Variants in SLC25A13 observed in about 807,000 individuals in gnomAD.
SLC25A13 encodes electrogenic aspartate/glutamate antiporter SLC25A13, mitochondrial.
A neutral mutation model predicts 85.5 loss-of-function variants in SLC25A13; 70 were observed. The observed-to-expected ratio is 0.82, with a 90% CI of 0.68 to 1.00. The LOEUF (loss-of-function observed/expected upper bound fraction) is 1.00. Among genes scored for constraint, SLC25A13 ranks in the 50% least tolerant of loss-of-function variants. The pLI is 0.00. For missense variants in SLC25A13, 765 were observed against 819.8 expected, an observed-to-expected ratio of 0.93 and a Z score of 0.82; for synonymous variants, 259 against 288.7, an observed-to-expected ratio of 0.90 and a Z score of 1.04.
At chr7:96,307,271 AT>A (rs1444799726) in intron 1 of SLC25A13, among the ~76,000 whole-genome samples, 2 of 152,340 alleles carry the variant, frequency 1.3e-5, no homozygotes, top group Middle Eastern at 3.4e-3. Context: ...CAGAACACCT[AT>A]TTGAAGATAT....
chr7:96,169,363 A>ATT (rs1793905731), intron 13 of SLC25A13, among the ~76,000 whole-genome samples: 1 of 152,206 alleles, frequency 6.6e-6, no homozygotes, highest in Non-Finnish European at 1.5e-5. Flanking sequence ...AAAGCCTGTT[A>ATT]TTTAACCAAT....
chr7:96,257,511 T>G (rs1467662222), intron 3 of SLC25A13, among the ~76,000 whole-genome samples: 1 of 151,992 alleles, frequency 6.6e-6, no homozygotes, highest in African/African-American at 2.4e-5. Context: ...CAAGACTAAA[T>G]TAGGAAGAAG....
intron 5 of SLC25A13, among the ~76,000 whole-genome samples, chr7:96,202,829 T>A (rs542140787): frequency 6.6e-6 from 1 of 152,240 alleles, no homozygotes; most frequent in East Asian, 1.9e-4. Context: ...CCTATTTCAA[T>A]GAAACACCAC....
chr7:96,182,053 T>G (rs1439783794), intron 11 of SLC25A13, among the ~76,000 whole-genome samples: 1 of 152,358 alleles, frequency 6.6e-6, no homozygotes, highest in Non-Finnish European at 1.5e-5. Context: ...ATGAGTTACC[T>G]ACATTTTCAT....
intron 3 of SLC25A13, among the ~76,000 whole-genome samples, chr7:96,263,703 T>G (rs1797941014): frequency 6.6e-6 from 1 of 152,130 alleles, no homozygotes; most frequent in African/African-American, 2.4e-5. Flanking sequence ...CTCAATATTT[T>G]CAACATACTT....
intron 2 of SLC25A13, among the ~76,000 whole-genome samples, chr7:96,282,796 G>A (rs1798737489): frequency 6.6e-6 from 1 of 152,138 alleles, no homozygotes; most frequent in Admixed American, 6.5e-5. Context: ...TTTTCTGTAT[G>A]TCTGAAAATT....
At chr7:96,180,364 A>G (rs1456952506) in intron 11 of SLC25A13, among the ~76,000 whole-genome samples, 1 of 152,146 alleles carries the variant, frequency 6.6e-6, no homozygotes, top group Non-Finnish European at 1.5e-5. Flanking sequence ...AAATTGAGAC[A>G]GAGTTTCACT....
chr7:96,201,664 C>T (rs1192351530), intron 5 of SLC25A13, among the ~76,000 whole-genome samples: 3 of 152,120 alleles, frequency 2.0e-5, no homozygotes, highest in Non-Finnish European at 2.9e-5. Flanking sequence ...TAAAGAATTA[C>T]GGCTTCAGCC....
At chr7:96,307,215 T>C (rs1263721626) in intron 1 of SLC25A13, among the ~76,000 whole-genome samples, 1 of 152,140 alleles carries the variant, frequency 6.6e-6, no homozygotes, top group East Asian at 1.9e-4. Flanking sequence ...ATTCAACAAC[T>C]ATTTAAAAAA....
intron 2 of SLC25A13, among the ~76,000 whole-genome samples, chr7:96,287,671 C>T (rs1388920482): frequency 1.3e-5 from 2 of 152,146 alleles, no homozygotes; most frequent in Non-Finnish European, 2.9e-5. Flanking sequence ...GTGGACACAG[C>T]CTTTAAGTGG....
At chr7:96,186,612 C>T (rs1036694201) in intron 9 of SLC25A13, among the ~76,000 whole-genome samples, 9 of 152,034 alleles carry the variant, frequency 5.9e-5, no homozygotes, top group Admixed American at 5.9e-4. Flanking sequence ...GGACTATAGC[C>T]TTTAAAAATA....
At chr7:96,314,991 C>T (rs1800078447) in intron 1 of SLC25A13, among the ~76,000 whole-genome samples, 1 of 152,158 alleles carries the variant, frequency 6.6e-6, no homozygotes, top group African/African-American at 2.4e-5. Context: ...CTTTGTAATG[C>T]TTCCCTCCTC....
chr7:96,151,522 G>A (rs574063751), intron 13 of SLC25A13, among the ~76,000 whole-genome samples: 123 of 152,074 alleles, frequency 8.1e-4, no homozygotes, highest in African/African-American at 2.8e-3. Flanking sequence ...ACTTGAACTC[G>A]GGAGGCGGAG....
intron 13 of SLC25A13, among the ~76,000 whole-genome samples, chr7:96,168,040 C>T (rs1340396164): frequency 3.9e-5 from 5 of 128,412 alleles, no homozygotes; most frequent in African/African-American, 1.5e-4. Context: ...GTGGAGGCTG[C>T]AGTGAGCCAA....
chr7:96,163,285 G>A (rs1462044703), intron 13 of SLC25A13, among the ~76,000 whole-genome samples: 1 of 152,132 alleles, frequency 6.6e-6, no homozygotes, highest in African/African-American at 2.4e-5. Flanking sequence ...GAATCAAATT[G>A]TCAATGTTTG....
chr7:96,180,961 G>C (rs1280917401), intron 11 of SLC25A13, among the ~76,000 whole-genome samples: 1 of 152,190 alleles, frequency 6.6e-6, no homozygotes, highest in Non-Finnish European at 1.5e-5. Context: ...GGAGGAAACA[G>C]AGAAAGAATT....
In SLC25A13 at chr7:96,274,824, T is replaced by C. The variant is rs530216385; in HGVS notation, c.212+2372A>G. Among the ~76,000 whole-genome samples the C allele has an allele frequency of 4.6e-5, 7 of 152,342 alleles. No homozygotes were observed. In the South Asian group the frequency reaches 6.2e-4, roughly 14 times the overall value. ...GTCAAAGATCAGATGGTTGTAGATA[T>C]GCAGCATTATTTCTGGGGGCTCTGT... On this transcript the variant is annotated intron_variant, in intron 3 of 17. Coordinates refer to ENST00000265631, the MANE Select transcript of SLC25A13 (RefSeq NM_014251.3).
intron 1 of SLC25A13, among the ~76,000 whole-genome samples, chr7:96,299,782 G>A (rs1207469724): frequency 6.6e-6 from 1 of 152,222 alleles, no homozygotes; most frequent in Non-Finnish European, 1.5e-5. Context: ...CCTAGATGGT[G>A]TAGCCTACTA....
At chr7:96,241,447 C>T (rs1796995627) in intron 3 of SLC25A13, among the ~76,000 whole-genome samples, 1 of 152,166 alleles carries the variant, frequency 6.6e-6, no homozygotes, top group South Asian at 2.1e-4. Flanking sequence ...CATTGATATG[C>T]AGGATACTAT....
Sources: allele counts gnomAD v4.1 joint callset (sites outside exome capture counted in the v4.1 genomes callset), GRCh38; gene constraint gnomAD v4.1.1; transcripts MANE v1.5; gene names NCBI Gene and HGNC (gene_info 2026-07-23, HGNC 2026-07-21).